Variants in ASB18 observed in about 807,000 individuals in gnomAD.
The protein encoded by ASB18 is ankyrin repeat and SOCS box protein 18.
Under a neutral mutation model 33.4 loss-of-function variants are expected in ASB18, and 33 were observed. The ratio of observed to expected loss-of-function variants is 0.99; its 90% CI spans 0.75 to 1.32. ASB18 has a LOEUF of 1.32. ASB18 is among the 40% of genes most tolerant of loss of function. ASB18 has a pLI of 0.00. For synonymous variants in ASB18, 295 were observed against 307.6 expected, an observed-to-expected ratio of 0.96 and a Z score of 0.43; for missense variants, 694 against 655.5, an observed-to-expected ratio of 1.06 and a Z score of -0.64.
Position 236,225,150 on chromosome 2 carries a change from C to A in ASB18, c.597-10284G>T, listed in dbSNP as rs1204056853. 6.6e-6 allele frequency among the ~76,000 whole-genome samples: 1 copy of A among 152,126 alleles called. No individual in the cohort carries two copies. Among genetic ancestry groups the A allele is most frequent in the Non-Finnish European group, 1.5e-5 (1 of 68,028 alleles). Reference sequence around the variant, plus strand: ...ATTTTTTGTTTTTTTAAGACAGAGTCTCACTCTGTCACTCAGGTTGCAGTG... The same window carrying A: ...ATTTTTTGTTTTTTTAAGACAGAGTATCACTCTGTCACTCAGGTTGCAGTG... On this transcript the variant is annotated intron_variant, in intron 3 of 5. Coordinates refer to ENST00000409749, the MANE Select transcript of ASB18 (RefSeq NM_212556.4). This position sits in a 1 kb window ranked among gnomAD's most constrained non-coding sequence, Gnocchi z 5.1.
Position 236,257,051 on chromosome 2 carries a change from A to G in ASB18, c.205+7090T>C, listed in dbSNP as rs940928909. 3.9e-5 allele frequency among the ~76,000 whole-genome samples: 6 copies of G among 152,252 alleles called. No individual in the cohort carries two copies. The highest frequency in any genetic ancestry group is 1.4e-4 in the African/African-American group (6 of 41,476). On this transcript the variant is annotated intron_variant, in intron 1 of 5. Coordinates refer to ENST00000409749, the MANE Select transcript of ASB18 (RefSeq NM_212556.4). This position sits in a 1 kb window ranked among gnomAD's most constrained non-coding sequence, Gnocchi z 5.5. Reference sequence around the variant, plus strand: ...AGATAATCTGATGTTATTGTAGGAAAGTGTATTTCTAATAAATTCCACTTG... The same window carrying G: ...AGATAATCTGATGTTATTGTAGGAAGGTGTATTTCTAATAAATTCCACTTG...
At position 236,237,798 on chromosome 2, in the gene ASB18, C is replaced by T; in HGVS notation, c.487G>A (p.Gly163Ser). 7.0e-7 allele frequency: 1 copy of T among 1,432,674 alleles called. No homozygotes were observed. The highest frequency in any genetic ancestry group is 9.1e-7 in the Non-Finnish European group (1 of 1,098,102). 88.7% of individuals were successfully genotyped at this position (1,432,674 alleles called of 1,614,324 possible). ...RGALHEACLG[G>S]HTACVRLLLQ... is the part of the protein sequence containing the mutation. ...AGCAGGCGGACGCAGGCGGTGTGGC[C>T]CCCGAGGCAGGCCTCGTGCAGGGCG... The change falls in exon 3 of 6, where the codon GGC becomes AGC. Residue 163 changes from glycine to serine, a missense_variant. Coordinates refer to ENST00000409749, the MANE Select transcript of ASB18 (RefSeq NM_212556.4). The surrounding 1 kb of genome is among the most constrained non-coding windows in gnomAD (Gnocchi z 6.2).
rs2060605086 is a variant in ASB18 at position 236,238,125 on chromosome 2, A to G, written c.329-169T>C. 6.6e-6 allele frequency among the ~76,000 whole-genome samples: 1 copy of G among 152,176 alleles called. No homozygotes were observed. Among genetic ancestry groups the G allele is most frequent in the South Asian group, 2.1e-4 (1 of 4,824 alleles). ...AGAGACGCACACAGAGACAGAGAGC[A>G]GAGAGACACACTGGGAAGAGACAGG... On this transcript the variant is annotated intron_variant, in intron 2 of 5. Coordinates refer to ENST00000409749, the MANE Select transcript of ASB18 (RefSeq NM_212556.4). This position sits in a 1 kb window ranked among gnomAD's most constrained non-coding sequence, Gnocchi z 5.2.
rs1264104243 is a variant in ASB18, at chr2:236,226,954, G to A, written c.596+10735C>T. Among the ~76,000 whole-genome samples the A allele has an allele frequency of 6.6e-6, 1 of 152,114 alleles. No homozygotes were observed. Among genetic ancestry groups the A allele is most frequent in the Non-Finnish European group, 1.5e-5 (1 of 68,032 alleles). ...TATCTAATATTATTATGGTATATTT[G>A]TCAAAACTAAGAAATTAACAATGGT... On this transcript the variant is annotated intron_variant, in intron 3 of 5. Transcript: ENST00000409749. The surrounding 1 kb of genome is among the most constrained non-coding windows in gnomAD (Gnocchi z 4.8).
intron 1 of ASB18, chr2:236,254,289 C>G (rs935506915): frequency 6.6e-6 from 1 of 152,504 alleles, no homozygotes; most frequent in East Asian, 2.0e-4. Context: ...CTCCATATAT[C>G]GAACTGATTG....
rs2060357163 is a variant in ASB18, at chr2:236,193,571, C to T, written c.*1301G>A. Among the ~76,000 whole-genome samples the T allele has an allele frequency of 6.6e-6, 1 of 152,142 alleles. No homozygotes were observed. The highest frequency in any genetic ancestry group is 1.5e-5 in the Non-Finnish European group (1 of 68,028). On this transcript the variant is annotated 3_prime_UTR_variant, in exon 6 of 6. Transcript: ENST00000409749. This position sits in a 1 kb window ranked among gnomAD's most constrained non-coding sequence, Gnocchi z 5.0. The stretch of plus-strand genomic sequence containing the variant: ...CAGCACTTTGGGAGGCCGAGGCGGG[C>T]AGATCACCTGAGATCGGGAGTTTGA...
chr2:236,240,844 C>G (rs537059140), intron 2 of ASB18, among the ~76,000 whole-genome samples: 1 of 152,346 alleles, frequency 6.6e-6, no homozygotes, highest in Non-Finnish European at 1.5e-5. Context: ...TCTACTGATG[C>G]TGGCTGTGCC....
chr2:236,202,220 G>A (rs1437450523), intron 4 of ASB18, among the ~76,000 whole-genome samples: 1 of 151,982 alleles, frequency 6.6e-6, no homozygotes, highest in East Asian at 1.9e-4. Flanking sequence ...CAAAGCGCTG[G>A]GATTACAGGT....
intron 3 of ASB18, among the ~76,000 whole-genome samples, chr2:236,232,808 A>C (rs2060572426): frequency 6.6e-6 from 1 of 152,142 alleles, no homozygotes. Flanking sequence ...ACCTTATTAC[A>C]AAAAGACATG....
At position 236,244,609 on chromosome 2, in the gene ASB18, C is replaced by T. The variant is rs1422006548; in HGVS notation, c.206-3207G>A. ...CACACAAAGGCTGCCTTGTGACTCC[C>T]CCTACCCCTCGTCAAGTGCCCCCCG... On this transcript the variant is annotated intron_variant, in intron 1 of 5. Coordinates refer to ENST00000409749, the MANE Select transcript of ASB18 (RefSeq NM_212556.4). The surrounding 1 kb of genome is among the most constrained non-coding windows in gnomAD (Gnocchi z 6.1). 6.6e-6 allele frequency among the ~76,000 whole-genome samples: 1 copy of T among 152,038 alleles called. No individual in the cohort carries two copies. The highest frequency in any genetic ancestry group is 1.5e-5 in the Non-Finnish European group (1 of 68,018).
rs2060696397 is a variant in ASB18 at position 236,257,181 on chromosome 2, T to A, written c.205+6960A>T. Among the ~76,000 whole-genome samples the A allele has an allele frequency of 6.6e-6, 1 of 152,234 alleles. No homozygotes were observed. Among genetic ancestry groups the A allele is most frequent in the East Asian group, 1.9e-4 (1 of 5,196 alleles). Reference sequence around the variant, plus strand: ...ATTAAGAAGATGGGACAATAATTTGTGCATAATTCCGGATCTTTTCCTGGC... The same window carrying A: ...ATTAAGAAGATGGGACAATAATTTGAGCATAATTCCGGATCTTTTCCTGGC... On this transcript the variant is annotated intron_variant, in intron 1 of 5. Coordinates refer to ENST00000409749, the MANE Select transcript of ASB18 (RefSeq NM_212556.4). The surrounding 1 kb of genome is among the most constrained non-coding windows in gnomAD (Gnocchi z 5.5).
chr2:236,222,160 C>T lies in ASB18; in HGVS notation c.597-7294G>A, dbSNP rs537342898. 5.9e-5 allele frequency among the ~76,000 whole-genome samples: 9 copies of T among 152,326 alleles called. No homozygotes were observed. Among genetic ancestry groups the T allele is most frequent in the African/African-American group, 2.2e-4 (9 of 41,572 alleles). ...GCGGTTCCACTTTATTTCCCTGGAC[C>T]TTCTGCTGAGGCTTTCCTTTGGGGA... On this transcript the variant is annotated intron_variant, in intron 3 of 5. Transcript: ENST00000409749. The surrounding 1 kb of genome is among the most constrained non-coding windows in gnomAD (Gnocchi z 5.5).
chr2:236,252,310 G>A lies in ASB18; in HGVS notation c.206-10908C>T, dbSNP rs1314771555. Among the ~76,000 whole-genome samples the A allele has an allele frequency of 3.4e-5, 3 of 88,658 alleles. No homozygotes were observed. Among genetic ancestry groups the A allele is most frequent in the African/African-American group, 9.3e-5 (3 of 32,290 alleles). The allele number at this position is 88,658 out of a possible 152,430, so 58.2% of individuals were successfully genotyped here. A position where few individuals can be genotyped will look rare whatever the true frequency, so the allele number is the denominator to read the frequency against. ...ACACACACACACACACACACACACA[G>A]TAGAAATCCTTGCCTTTAAGGAGTG... On this transcript the variant is annotated intron_variant, in intron 1 of 5. Transcript: ENST00000409749. This position sits in a 1 kb window ranked among gnomAD's most constrained non-coding sequence, Gnocchi z 7.9.
rs1335272005 is a variant in ASB18 at position 236,194,967 on chromosome 2, AC to A, written c.1305del (p.Phe436LeufsTer108). Reference sequence around the variant, plus strand: ...ATGAGGTCAAAGCACCTTTTGCCAAACAGTCTGCGAAGAGCACAGCGGCAAA... The same window carrying A: ...ATGAGGTCAAAGCACCTTTTGCCAAAAGTCTGCGAAGAGCACAGCGGCAAA... The part of the protein sequence containing the change: ...QHLCRCALRR[L>X]FGKRCFDLIP... On this transcript the variant is annotated frameshift_variant, in exon 6 of 6. Coordinates refer to ENST00000409749, the MANE Select transcript of ASB18 (RefSeq NM_212556.4). LOFTEE classifies it low-confidence loss of function (END_TRUNC). This position sits in a 1 kb window ranked among gnomAD's most constrained non-coding sequence, Gnocchi z 4.5. 2 of 1,613,952 alleles carry A rather than the reference AC, an allele frequency of 1.2e-6. No homozygotes were observed. The highest frequency in any genetic ancestry group is 2.2e-5 in the East Asian group (1 of 44,868).
chr2:236,224,185 G>GTTTTT (rs1161648778), intron 3 of ASB18, among the ~76,000 whole-genome samples: 6 of 66,772 alleles, frequency 9.0e-5, no homozygotes, highest in Admixed American at 1.8e-4. Flanking sequence ...GTGTTGTCAG[G>GTTTTT]TTTTTTTTTT....
rs1337854590 is a variant in ASB18, at chr2:236,238,724, T to G, written c.329-768A>C. Among the ~76,000 whole-genome samples, 6 of 152,084 alleles carry G rather than the reference T, an allele frequency of 3.9e-5. No homozygotes were observed. In the East Asian group the frequency reaches 1.2e-3, roughly 29 times the overall value. On this transcript the variant is annotated intron_variant, in intron 2 of 5. Coordinates refer to ENST00000409749, the MANE Select transcript of ASB18 (RefSeq NM_212556.4). The surrounding 1 kb of genome is among the most constrained non-coding windows in gnomAD (Gnocchi z 5.2). ...CACTTTCAAAAAGCCCGTGGAAGGT[T>G]GTTAGCGGCCAGGAGCGCTCGTGGA...
chr2:236,254,528 A>T (rs1574672140), intron 1 of ASB18, among the ~76,000 whole-genome samples: 6 of 151,834 alleles, frequency 4.0e-5, no homozygotes, highest in Admixed American at 3.9e-4. Flanking sequence ...TTATTTCTTT[A>T]ATCATATTTT....
chr2:236,195,303 A>G lies in ASB18; in HGVS notation c.1216-246T>C, dbSNP rs2060366560. Among the ~76,000 whole-genome samples, 1 of 152,138 alleles carries G rather than the reference A, an allele frequency of 6.6e-6. No individual in the cohort carries two copies. The highest frequency in any genetic ancestry group is 6.5e-5 in the Admixed American group (1 of 15,278). ...TGACTGGGGTGACTTCAGATGCTCC[A>G]GGTGGTCTCCCCGAATTCCGTTTTG... On this transcript the variant is annotated intron_variant, in intron 5 of 5. Coordinates refer to ENST00000409749, the MANE Select transcript of ASB18 (RefSeq NM_212556.4). The surrounding 1 kb of genome is among the most constrained non-coding windows in gnomAD (Gnocchi z 5.5).
Position 236,248,670 on chromosome 2 carries a change from A to C in ASB18, c.206-7268T>G, listed in dbSNP as rs2060655642. 1 of 152,084 alleles carries C rather than the reference A, an allele frequency of 6.6e-6. No individual in the cohort carries two copies. Among genetic ancestry groups the C allele is most frequent in the African/African-American group, 2.4e-5 (1 of 41,404 alleles). The allele number at this position is 152,084 out of a possible 1,614,324, so 9.4% of individuals were successfully genotyped here. A position where few individuals can be genotyped will look rare whatever the true frequency, so the allele number is the denominator to read the frequency against. On this transcript the variant is annotated intron_variant, in intron 1 of 5. Coordinates refer to ENST00000409749, the MANE Select transcript of ASB18 (RefSeq NM_212556.4). The surrounding 1 kb of genome is among the most constrained non-coding windows in gnomAD (Gnocchi z 4.9). ...CCAAGGTTGAGAACCATTGCTGTGA[A>C]AGGCAACCATGGAATCCGTGACCCT...
Sources: allele counts gnomAD v4.1 joint callset (sites outside exome capture counted in the v4.1 genomes callset), GRCh38; gene constraint gnomAD v4.1.1; non-coding constraint Gnocchi (gnomAD v3.1); transcripts MANE v1.5; gene names NCBI Gene and HGNC (gene_info 2026-07-23, HGNC 2026-07-21).